The following PARP8 variants were observed in gnomAD, a reference collection of about 807,000 sequenced individuals.
PARP8 encodes protein mono-ADP-ribosyltransferase PARP8.
A neutral mutation model predicts 124.1 loss-of-function variants in PARP8; 51 were observed. That is an observed-to-expected ratio of 0.41 (90% CI 0.33 to 0.52). The LOEUF (loss-of-function observed/expected upper bound fraction) is 0.52, where lower values mean the gene tolerates loss of function less well. Among genes scored for constraint, PARP8 ranks in the 20% least tolerant of loss-of-function variants. The probability of loss-of-function intolerance (pLI) is 0.21; values close to 1 mark genes in which losing one functional copy is unlikely to be tolerated. For missense variants in PARP8, 860 were observed against 1,018.9 expected (o/e 0.84, Z 2.12); for synonymous variants, 391 against 361.5 (o/e 1.08, Z -0.93).
chr5:50,818,123 C>G lies in PARP8; in HGVS notation c.1668+2599C>G, dbSNP rs183243492. 3.4e-4 allele frequency among the ~76,000 whole-genome samples: 50 copies of G among 148,398 alleles called. 1 individual carries two copies. The East Asian group carries it at 7.4e-3, about 22-fold the overall frequency. On this transcript the variant is annotated intron_variant, in intron 15 of 25. Coordinates refer to ENST00000281631, the MANE Select transcript of PARP8 (RefSeq NM_024615.4). ...AGCATGCATCATATATACTAAGATT[C>G]TATTTAGAATCTTTAATTTTAAATC...
At position 50,709,951 on chromosome 5, in the gene PARP8, T is replaced by C. The variant is rs866702512; in HGVS notation, c.147-40200T>C. Among the ~76,000 whole-genome samples, 278 of 99,398 alleles carry C rather than the reference T, an allele frequency of 2.8e-3. 2 individuals carry two copies. Among genetic ancestry groups the C allele is most frequent in the Middle Eastern group, 0.023 (5 of 216 alleles). The allele number at this position is 99,398 out of a possible 152,430, so 65.2% of individuals were successfully genotyped here. On this transcript the variant is annotated intron_variant, in intron 2 of 25. Transcript: ENST00000281631. ...ATATATATATATATATATATATATA[T>C]ATATACACATACATATATACACACA... is the stretch of plus-strand genomic sequence containing the variant.
chr5:50,702,909 A>G (rs934369555), intron 2 of PARP8, among the ~76,000 whole-genome samples: 2 of 152,130 alleles, frequency 1.3e-5, no homozygotes, highest in African/African-American at 2.4e-5. Flanking sequence ...TGTAGTGGTG[A>G]CAGGGCTGCC....
rs549481395 is a variant in PARP8, at chr5:50,815,124, G to A, written c.1576-308G>A. ...TTTTCTGTGCATCTCATGTGCAAAT[G>A]TGTATGAAAGCACGAGAGATAAATT... On this transcript the variant is annotated intron_variant, in intron 14 of 25. Coordinates refer to ENST00000281631, the MANE Select transcript of PARP8 (RefSeq NM_024615.4). Among the ~76,000 whole-genome samples, 201 of 152,140 alleles carry A rather than the reference G, an allele frequency of 1.3e-3. 1 individual carries two copies. The highest frequency in any genetic ancestry group is 4.8e-3 in the African/African-American group (199 of 41,516).
At chr5:50,809,913 C>T (rs1311740109) in intron 14 of PARP8, among the ~76,000 whole-genome samples, 1 of 151,884 alleles carries the variant, frequency 6.6e-6, no homozygotes, top group African/African-American at 2.4e-5. Flanking sequence ...ATTTCTATTA[C>T]CAGTAGAGGG....
rs1387424799 is a variant in PARP8 at position 50,819,369 on chromosome 5, A to ATCCATCT, written c.1669-1843_1669-1837dup. On this transcript the variant is annotated intron_variant, in intron 15 of 25. Coordinates refer to ENST00000281631, the MANE Select transcript of PARP8 (RefSeq NM_024615.4). ...TTTTAAAGGGTTTTAGTGAGAGCAT[A>ATCCATCT]TCCATCTGTGTCATTCCCCTCCTCC... Among the ~76,000 whole-genome samples the ATCCATCT allele has an allele frequency of 2.0e-5, 3 of 148,778 alleles. No homozygotes were observed. The East Asian group carries it at 5.9e-4, about 29-fold the overall frequency.
chr5:50,746,496 A>G (rs1758556259), intron 2 of PARP8, among the ~76,000 whole-genome samples: 1 of 152,202 alleles, frequency 6.6e-6, no homozygotes, highest in South Asian at 2.1e-4. Flanking sequence ...GGTAATATAC[A>G]TGACACTTTT....
rs1740253474 is a variant in PARP8 at position 50,778,198 on chromosome 5, T to C, written c.579+69T>C. 5.7e-6 allele frequency: 7 copies of C among 1,221,436 alleles called. No homozygotes were observed. In the East Asian group the frequency reaches 1.2e-4, roughly 22 times the overall value. 75.7% of individuals were successfully genotyped at this position (1,221,436 alleles called of 1,614,324 possible). A position where few individuals can be genotyped will look rare whatever the true frequency, so the allele number is the denominator to read the frequency against. On this transcript the variant is annotated intron_variant, in intron 8 of 25. Transcript: ENST00000281631. ...CATTTTATTTTATTTTTGGGGGAAA[T>C]TTAATTTTCAGTTTTGTCTTATAAT...
intron 2 of PARP8, among the ~76,000 whole-genome samples, chr5:50,678,563 T>TA (rs1188391610): frequency 6.6e-6 from 1 of 152,196 alleles, no homozygotes; most frequent in African/African-American, 2.4e-5. Flanking sequence ...TAAATATAGA[T>TA]ATATGAGAGA....
intron 2 of PARP8, among the ~76,000 whole-genome samples, chr5:50,710,215 T>G (rs1230870776): frequency 6.6e-6 from 1 of 151,924 alleles, no homozygotes; most frequent in African/African-American, 2.4e-5. Flanking sequence ...AACAAGCACC[T>G]TCCATTAGTT....
At chr5:50,670,423 C>A (rs1749873166) in intron 2 of PARP8, among the ~76,000 whole-genome samples, 1 of 152,114 alleles carries the variant, frequency 6.6e-6, no homozygotes, top group Admixed American at 6.5e-5. Flanking sequence ...GAATGAGATA[C>A]ATGGTATTTT....
chr5:50,722,076 G>A (rs559781368), intron 2 of PARP8, among the ~76,000 whole-genome samples: 40 of 152,168 alleles, frequency 2.6e-4, no homozygotes, highest in South Asian at 6.2e-4. Flanking sequence ...ATATGTTACA[G>A]TTTTCTTAGT....
intron 19 of PARP8, 28 bp downstream of exon 19, chr5:50,826,831 T>C (rs376879762): frequency 2.5e-6 from 4 of 1,587,452 alleles, no homozygotes; most frequent in African/African-American, 2.8e-5. Flanking sequence ...TTTTTACATA[T>C]GCATACAGAA....
intron 20 of PARP8, 38 bp from the exon 21 acceptor site, chr5:50,828,274 T>G (rs765763634): frequency 3.8e-6 from 6 of 1,573,418 alleles, no homozygotes; most frequent in Non-Finnish European, 5.2e-6. Context: ...ATAATTAATT[T>G]TCTGGTTTTG....
At position 50,815,435 on chromosome 5, in the gene PARP8, A is replaced by G. The variant is rs746022779; in HGVS notation, c.1579A>G (p.Thr527Ala). ...TTGATTCCTTTTTCTTTTGTAGCCT[A>G]CCGTATGTGAACGGGAGCTGTGTGT... ...VFQNGPMLRP[T>A]VCERELCVFA... The change falls in exon 15 of 26, where the codon ACC becomes GCC. Residue 527 changes from threonine to alanine, a missense_variant. By Grantham distance (58) the Thr-to-Ala change is moderately conservative. Around this residue, in one of 2 missense-constraint regions of PARP8, gnomAD observed 343 missense variants for 474.7 expected, o/e 0.72. Coordinates refer to ENST00000281631, the MANE Select transcript of PARP8 (RefSeq NM_024615.4). 6.4e-6 allele frequency: 10 copies of G among 1,572,966 alleles called. No homozygotes were observed. The highest frequency in any genetic ancestry group is 5.7e-5 in the Admixed American group (3 of 52,368).
intron 17 of PARP8, among the ~76,000 whole-genome samples, chr5:50,823,774 C>T (rs1219029493): frequency 6.6e-6 from 1 of 152,174 alleles, no homozygotes; most frequent in Non-Finnish European, 1.5e-5. Flanking sequence ...CATGTGTAAG[C>T]TATTTTAATA....
chr5:50,835,073 T>G, intron 25 of PARP8, 58 bp downstream of exon 25: 1 of 1,431,812 alleles, frequency 7.0e-7, no homozygotes, highest in Non-Finnish European at 9.8e-7. Context: ...GGGTTAGTGG[T>G]GACTGAATTA....
At chr5:50,840,128 G>A (rs1328649794) in intron 25 of PARP8, among the ~76,000 whole-genome samples, 3 of 151,532 alleles carry the variant, frequency 2.0e-5, no homozygotes, top group African/African-American at 4.9e-5. Flanking sequence ...AAAGAAATGT[G>A]TTTGACATTG....
chr5:50,668,698 A>AT, intron 2 of PARP8: 1 of 152,398 alleles, frequency 6.6e-6, no homozygotes, highest in East Asian at 1.9e-4. Flanking sequence ...AGAGATGCAC[A>AT]TTTCGTTAGT....
At chr5:50,693,480 T>C (rs2149464030) in intron 2 of PARP8, among the ~76,000 whole-genome samples, 1 of 152,260 alleles carries the variant, frequency 6.6e-6, no homozygotes, top group African/African-American at 2.4e-5. Context: ...TAGGGCAATA[T>C]AGACTAATTC....
Sources: allele counts gnomAD v4.1 joint callset (sites outside exome capture counted in the v4.1 genomes callset), GRCh38; gene constraint gnomAD v4.1.1; regional missense constraint gnomAD v4.1.1; transcripts MANE v1.5; gene names NCBI Gene and HGNC (gene_info 2026-07-23, HGNC 2026-07-21).